TMEM232: variants seen among roughly 807,000 people sequenced by gnomAD.
The protein encoded by TMEM232 is transmembrane protein 232.
In TMEM232, 80 loss-of-function variants were observed where a neutral mutation model predicts 78.8. The ratio of observed to expected loss-of-function variants is 1.01; its 90% CI spans 0.85 to 1.22. The LOEUF is 1.22. TMEM232 is among the 50% of genes most tolerant of loss of function. The pLI, the probability that TMEM232 is intolerant of heterozygous loss-of-function variation, is 0.00. For synonymous variants in TMEM232, 297 were observed against 254.3 expected, an observed-to-expected ratio of 1.17 and a Z score of -1.60; for missense variants, 881 against 742.2, an observed-to-expected ratio of 1.19 and a Z score of -2.17.
intron 12 of TMEM232, among the ~76,000 whole-genome samples, chr5:110,507,786 G>A (rs141759550): frequency 9.3e-4 from 141 of 152,332 alleles, no homozygotes; most frequent in African/African-American, 3.2e-3. Flanking sequence ...TTGTGAGGAT[G>A]AGTATGTCAG....
At chr5:110,482,624 A>G (rs1455221123) in intron 12 of TMEM232, among the ~76,000 whole-genome samples, 1 of 150,644 alleles carries the variant, frequency 6.6e-6, no homozygotes, top group African/African-American at 2.4e-5. Flanking sequence ...TTAATTAATG[A>G]TGAGCTTACA....
At chr5:110,516,207 T>C (rs767203888) in intron 12 of TMEM232, among the ~76,000 whole-genome samples, 51 of 152,174 alleles carry the variant, frequency 3.4e-4, no homozygotes, top group Middle Eastern at 3.4e-3. Context: ...CCACTGCACT[T>C]CAGCCTGGGC....
chr5:110,689,539 G>A (rs910193570), intron 1 of TMEM232, among the ~76,000 whole-genome samples: 20 of 152,056 alleles, frequency 1.3e-4, no homozygotes, highest in Admixed American at 7.9e-4. Flanking sequence ...AATCAATATC[G>A]TGAAAATGGC....
intron 12 of TMEM232, among the ~76,000 whole-genome samples, chr5:110,478,627 GAATAAGAA>G (rs1218105774): frequency 6.6e-6 from 1 of 151,858 alleles, no homozygotes; most frequent in African/African-American, 2.4e-5. Context: ...GTGGAAGATA[GAATAAGAA>G]ACTATGAAAA....
At position 110,404,528 on chromosome 5, in the gene TMEM232, T is replaced by C. The variant is rs141945621; in HGVS notation, n.309-6674A>G. ...ATCTAGATATGTGAGCCCTAAAGAT[T>C]AGGCAAATTGGGGGAACTTTTATGG... is the stretch of plus-strand genomic sequence containing the variant. On this transcript the variant is annotated intron_variant and non_coding_transcript_variant, in intron 2 of 8. Transcript: ENST00000507188. Among the ~76,000 whole-genome samples, 6 of 152,220 alleles carry C rather than the reference T, an allele frequency of 3.9e-5. 1 individual carries two copies. The highest frequency in any genetic ancestry group is 7.4e-5 in the Non-Finnish European group (5 of 67,980).
At chr5:110,649,910 A>G (rs540425753) in intron 2 of TMEM232, among the ~76,000 whole-genome samples, 6 of 152,218 alleles carry the variant, frequency 3.9e-5, no homozygotes, top group Middle Eastern at 3.4e-3. Context: ...GTCCTTTAAC[A>G]TATTTTTAAA....
intron 12 of TMEM232, among the ~76,000 whole-genome samples, chr5:110,457,074 G>T (rs1218435320): frequency 6.6e-6 from 1 of 151,948 alleles, no homozygotes; most frequent in Admixed American, 6.6e-5. Flanking sequence ...AATGCTAAGA[G>T]ACTATAAAGA....
intron 12 of TMEM232, among the ~76,000 whole-genome samples, chr5:110,506,526 A>T (rs1766925995): frequency 6.6e-6 from 1 of 152,188 alleles, no homozygotes; most frequent in Admixed American, 6.5e-5. Flanking sequence ...GCCAAATAGG[A>T]TCATTCAAAT....
intron 12 of TMEM232, among the ~76,000 whole-genome samples, chr5:110,472,801 G>A (rs188887460): frequency 1.9e-3 from 295 of 151,786 alleles, no homozygotes; most frequent in Middle Eastern, 0.01. Context: ...TTTGCCAAAC[G>A]GGCCAAAAAC....
chr5:110,600,304 C>T (rs562303539), intron 10 of TMEM232, among the ~76,000 whole-genome samples: 1 of 152,056 alleles, frequency 6.6e-6, no homozygotes, highest in Admixed American at 6.6e-5. Context: ...CAAGAAATAA[C>T]TAAGATCAGA....
At chr5:110,591,901 C>A (rs1225918372) in intron 10 of TMEM232, among the ~76,000 whole-genome samples, 1 of 152,042 alleles carries the variant, frequency 6.6e-6, no homozygotes, top group Non-Finnish European at 1.5e-5. Context: ...ATCCTTATCT[C>A]CCAATAAGTA....
chr5:110,587,401 T>C (rs1778941755), intron 10 of TMEM232, among the ~76,000 whole-genome samples: 1 of 152,056 alleles, frequency 6.6e-6, no homozygotes, highest in Non-Finnish European at 1.5e-5. Flanking sequence ...AATGTGTAAA[T>C]ACTGTGGCTG....
At chr5:110,610,784 C>T (rs531348182) in intron 8 of TMEM232, among the ~76,000 whole-genome samples, 261 of 151,994 alleles carry the variant, frequency 1.7e-3, no homozygotes, top group African/African-American at 5.9e-3. Context: ...GGGAATTAAA[C>T]AAAAAATAAA....
At chr5:110,636,212 C>T (rs142690968) in intron 5 of TMEM232, among the ~76,000 whole-genome samples, 1 of 151,866 alleles carries the variant, frequency 6.6e-6, no homozygotes, top group Non-Finnish European at 1.5e-5. Context: ...AAAAGACTTG[C>T]TCTCATGGAC....
At chr5:110,549,308 C>T (rs955814974) in intron 11 of TMEM232, among the ~76,000 whole-genome samples, 6 of 151,752 alleles carry the variant, frequency 4.0e-5, no homozygotes, top group African/African-American at 1.5e-4. Flanking sequence ...TCAAGAGAAT[C>T]AAAAGTTGAT....
intron 2 of TMEM232, among the ~76,000 whole-genome samples, chr5:110,660,806 C>T (rs1274483167): frequency 6.6e-6 from 1 of 152,070 alleles, no homozygotes; most frequent in African/African-American, 2.4e-5. Flanking sequence ...ATCCATCAAT[C>T]ACCTCAAGCA....
chr5:110,731,057 C>A (rs562632686), upstream of TMEM232, among the ~76,000 whole-genome samples: 1 of 152,164 alleles, frequency 6.6e-6, no homozygotes, highest in Non-Finnish European at 1.5e-5. Context: ...GTAAATACAG[C>A]CATTCCAAAT....
In TMEM232 at chr5:110,412,567, CTT is replaced by C. The variant is rs66505851; in HGVS notation, n.308+12254_308+12255del. On this transcript the variant is annotated intron_variant and non_coding_transcript_variant, in intron 2 of 8. Coordinates refer to the TMEM232 transcript ENST00000507188. ...ATAGTTGCAAAGAAATAGCCAAACT[CTT>C]TTTTTTTTTTATCAGAATAACAATG... 6.4e-3 allele frequency among the ~76,000 whole-genome samples: 950 copies of C among 147,832 alleles called. 3 individuals carry two copies. Among genetic ancestry groups the C allele is most frequent in the African/African-American group, 0.018 (717 of 40,498 alleles).
intron 1 of TMEM232, among the ~76,000 whole-genome samples, chr5:110,713,359 T>C (rs1796691600): frequency 6.6e-6 from 1 of 152,074 alleles, no homozygotes; most frequent in African/African-American, 2.4e-5. Context: ...CTTACTATAG[T>C]CAATAATAAT....
Sources: allele counts gnomAD v4.1 joint callset (sites outside exome capture counted in the v4.1 genomes callset), GRCh38; gene constraint gnomAD v4.1.1; transcripts MANE v1.5; gene names NCBI Gene and HGNC (gene_info 2026-07-23, HGNC 2026-07-21).